The following PPP2R3B variants were observed in gnomAD, a reference collection of about 807,000 sequenced individuals.
PPP2R3B encodes the protein serine/threonine-protein phosphatase 2A regulatory subunit B'' subunit beta.
In PPP2R3B, 68 loss-of-function variants were observed where a neutral mutation model predicts 72.9. The observed-to-expected ratio is 0.93, with a 90% CI of 0.77 to 1.14. The LOEUF (loss-of-function observed/expected upper bound fraction) is 1.14, where lower values mean the gene tolerates loss of function less well. Ranked by LOEUF, PPP2R3B falls within the 50% of genes most tolerant of loss-of-function variation. PPP2R3B has a pLI of 0.00. For synonymous variants in PPP2R3B, 466 were observed against 375.8 expected (o/e 1.24, Z -2.78); for missense variants, 1,018 against 842.0 (o/e 1.21, Z -2.59).
chrX:361,574 T>C lies in PPP2R3B; in HGVS notation c.341A>G (p.Glu114Gly), dbSNP rs1005220349. The C allele has an allele frequency of 2.1e-5, 34 of 1,613,812 alleles. No homozygotes were observed. Among genetic ancestry groups the C allele is most frequent in the Non-Finnish European group, 2.9e-5 (34 of 1,179,820 alleles). Residue 114 changes from glutamate (E) to glycine (G), a missense_variant, in exon 2 of 13, where the codon GAA becomes GGA. Physicochemically the swap from Glu to Gly is moderately conservative, Grantham distance 98. Transcript: ENST00000390665. ...GCTCGTGGCCGGGGGCAGAGGCTCT[T>C]CTTTCCGTGTCTGAACCTGAAGAGT... ...AGTRVVQTRK[E>G]EPLPPATSQS...
rs1603094490 is a variant in PPP2R3B at position 363,342 on chromosome X, A to C, written c.325-1752T>G. Among the ~76,000 whole-genome samples the C allele has an allele frequency of 1.6e-5, 2 of 124,124 alleles. 1 individual carries two copies. The highest frequency in any genetic ancestry group is 1.6e-4 in the Admixed American group (2 of 12,708). The allele number at this position is 124,124 out of a possible 152,430, so 81.4% of individuals were successfully genotyped here. ...TCCCACAGTGCATCTCCCCGAGCCC[A>C]CCATCCCGCAGTGCATCTCTCCGAG... On this transcript the variant is annotated intron_variant, in intron 1 of 12. Transcript: ENST00000390665.
At chrX:345,152 GC>G (rs1385890882) in intron 7 of PPP2R3B, 1 of 523,022 alleles carries the variant, frequency 1.9e-6, no homozygotes, top group Non-Finnish European at 3.7e-6. Flanking sequence ...GGCCTTGGGG[GC>G]TGGAACCTGG....
intron 12 of PPP2R3B, chrX:336,642 C>T (rs1408719353): frequency 6.6e-6 from 1 of 152,186 alleles, no homozygotes; most frequent in Non-Finnish European, 1.5e-5. Context: ...CAGAAAACCC[C>T]AAAGAACCGA....
chrX:369,796 G>A (rs778680323), intron 1 of PPP2R3B, among the ~76,000 whole-genome samples: 6 of 152,364 alleles, frequency 3.9e-5, no homozygotes, highest in South Asian at 4.1e-4. Context: ...GGGGGCCGGC[G>A]GAAGGGACGC....
intron 1 of PPP2R3B, chrX:373,853 TG>T (rs2071928015): frequency 6.6e-6 from 1 of 150,996 alleles, no homozygotes; most frequent in Non-Finnish European, 1.5e-5. Flanking sequence ...GCGCCGGGGG[TG>T]GGGGCGGCCG....
intron 6 of PPP2R3B, 44 bp downstream of exon 6, chrX:346,130 G>T: frequency 2.8e-6 from 4 of 1,419,218 alleles, no homozygotes; most frequent in Non-Finnish European, 3.8e-6. Flanking sequence ...GGTAGGAGGG[G>T]TAGGGACAAG....
intron 1 of PPP2R3B, among the ~76,000 whole-genome samples, chrX:372,687 G>A (rs2071891894): frequency 6.6e-6 from 1 of 152,212 alleles, no homozygotes; most frequent in African/African-American, 2.4e-5. Context: ...CAGCTGGGGT[G>A]GAGGCTCACG....
intron 3 of PPP2R3B, 70 bp from the exon 4 acceptor site, chrX:347,406 G>T: frequency 6.9e-7 from 1 of 1,459,640 alleles, no homozygotes; most frequent in Non-Finnish European, 9.6e-7. Flanking sequence ...ACGCAGGGTG[G>T]AACACGTGTG....
intron 7 of PPP2R3B, among the ~76,000 whole-genome samples, chrX:343,881 C>T (rs1236085143): frequency 3.9e-5 from 2 of 51,028 alleles, no homozygotes; most frequent in Admixed American, 1.7e-4. Context: ...ACCTCAGCAA[C>T]GGGAGGCGGG....
chrX:354,114 AGGGGGCTCACCCAAAGACT>A (rs1418398092), intron 2 of PPP2R3B, among the ~76,000 whole-genome samples: 204 of 120,036 alleles, frequency 1.7e-3, no homozygotes, highest in South Asian at 7.6e-3. Flanking sequence ...GCCCAAACAC[AGGGGGCTCACCCAAAGACT>A]GGGGGCTCAC....
chrX:368,411 A>G (rs1287644261), intron 1 of PPP2R3B, among the ~76,000 whole-genome samples: 5 of 45,418 alleles, frequency 1.1e-4, no homozygotes, highest in Admixed American at 5.1e-4. Context: ...GGGCACCGAC[A>G]CGGGGAAGGC....
At chrX:335,770 A>G (rs1000580652) in intron 12 of PPP2R3B, 5 of 152,220 alleles carry the variant, frequency 3.3e-5, no homozygotes, top group Non-Finnish European at 1.5e-5. Context: ...GGAGCGTGAG[A>G]GACGCTATCA....
In PPP2R3B at chrX:334,132, G is replaced by T; in HGVS notation, c.*235C>A. 1 of 417,000 alleles carries T rather than the reference G, an allele frequency of 2.4e-6. No homozygotes were observed. Among genetic ancestry groups the T allele is most frequent in the Non-Finnish European group, 4.1e-6 (1 of 241,316 alleles). The allele number at this position is 417,000 out of a possible 1,614,324, so 25.8% of individuals were successfully genotyped here. A position where few individuals can be genotyped will look rare whatever the true frequency, so the allele number is the denominator to read the frequency against. On this transcript the variant is annotated 3_prime_UTR_variant, in exon 13 of 13. Transcript: ENST00000390665. ...TCGGGAACGGCAAGCGCCAGAGGGT[G>T]TCCGTGTGGGAACCCGTCCCATTCA...
chrX:369,514 G>A (rs1243316994), intron 1 of PPP2R3B, among the ~76,000 whole-genome samples: 1 of 152,082 alleles, frequency 6.6e-6, no homozygotes. Context: ...GTCCATATAC[G>A]ACCAAAAACA....
At chrX:341,565 G>A in intron 8 of PPP2R3B, 169 bp from the exon 9 acceptor site, 4 of 728,744 alleles carry the variant, frequency 5.5e-6, no homozygotes, top group Non-Finnish European at 9.5e-6. Context: ...TGGAGGCCCC[G>A]TGGCCAGAGG....
chrX:351,422 C>T (rs1309401335), intron 2 of PPP2R3B, among the ~76,000 whole-genome samples: 11 of 152,196 alleles, frequency 7.2e-5, no homozygotes, highest in Non-Finnish European at 1.3e-4. Context: ...CAAGACACAC[C>T]GTCATGACCC....
chrX:374,685 TC>T (rs2071950916), intron 1 of PPP2R3B, among the ~76,000 whole-genome samples: 1 of 151,988 alleles, frequency 6.6e-6, no homozygotes, highest in Non-Finnish European at 1.5e-5. Flanking sequence ...GCCTCCCGGG[TC>T]CCCGATCAGG....
intron 1 of PPP2R3B, among the ~76,000 whole-genome samples, chrX:382,197 T>C (rs1277970150): frequency 3.6e-5 from 2 of 54,970 alleles, no homozygotes; most frequent in Non-Finnish European, 8.4e-5. Flanking sequence ...TTTTTTTTTC[T>C]TTTTTTTTTT....
In PPP2R3B at chrX:334,306, C is replaced by T. The variant is rs755834610; in HGVS notation, c.*61G>A. On this transcript the variant is annotated 3_prime_UTR_variant, in exon 13 of 13. Transcript: ENST00000390665. ...TTTCCACAACAGTTTTTACACGAGC[C>T]GCGGTGGCCCGGTGGTGGCACGTGG... 2.7e-4 allele frequency: 379 copies of T among 1,418,402 alleles called. 1 individual carries two copies. The highest frequency in any genetic ancestry group is 8.0e-4 in the Middle Eastern group (3 of 3,742). 87.9% of individuals were successfully genotyped at this position (1,418,402 alleles called of 1,614,324 possible).
Sources: allele counts gnomAD v4.1 joint callset (sites outside exome capture counted in the v4.1 genomes callset), GRCh38; gene constraint gnomAD v4.1.1; transcripts MANE v1.5; gene names NCBI Gene and HGNC (gene_info 2026-07-23, HGNC 2026-07-21).